ST7L: variants seen among roughly 807,000 people sequenced by gnomAD.
ST7L encodes the protein suppressor of tumorigenicity 7 protein-like.
A neutral mutation model predicts 72.5 loss-of-function variants in ST7L; 57 were observed. The ratio of observed to expected loss-of-function variants is 0.79; its 90% CI spans 0.64 to 0.98. ST7L has a LOEUF of 0.98. Among genes scored for constraint, ST7L ranks in the 50% least tolerant of loss-of-function variants. ST7L has a pLI of 0.00. For missense variants in ST7L, 576 were observed against 672.2 expected (o/e 0.86, Z 1.58); for synonymous variants, 221 against 240.9 (o/e 0.92, Z 0.77).
chr1:112,596,357 G>A lies in ST7L; in HGVS notation c.622+1614C>T, dbSNP rs539232507. 4.6e-5 allele frequency among the ~76,000 whole-genome samples: 7 copies of A among 152,286 alleles called. No homozygotes were observed. The South Asian group carries it at 1.5e-3, about 32-fold the overall frequency. On this transcript the variant is annotated intron_variant, in intron 5 of 14. Coordinates refer to ENST00000358039, the MANE Select transcript of ST7L (RefSeq NM_017744.5). ...TTCAGTGATTTTGTGGTGGGTAGAA[G>A]CAGTAATAGTGTAGTGGTTAACAGC...
chr1:112,592,797 A>G (rs573400694), intron 5 of ST7L, among the ~76,000 whole-genome samples: 6 of 152,270 alleles, frequency 3.9e-5, no homozygotes, highest in Admixed American at 3.9e-4. Context: ...AGTCATACTA[A>G]GTTTTTTGCT....
intron 13 of ST7L, 142 bp from the exon 14 acceptor site, chr1:112,542,232 A>G: frequency 2.6e-6 from 2 of 782,894 alleles, no homozygotes; most frequent in East Asian, 2.9e-5. Context: ...GCAAGGTAGA[A>G]GACAGTTATC....
At chr1:112,576,584 T>G (rs1663139024) in intron 11 of ST7L, among the ~76,000 whole-genome samples, 1 of 152,212 alleles carries the variant, frequency 6.6e-6, no homozygotes, top group Non-Finnish European at 1.5e-5. Context: ...TTGTCTTCAG[T>G]TTTTGTCTAC....
chr1:112,589,717 T>C (rs1665402689), intron 6 of ST7L, among the ~76,000 whole-genome samples: 1 of 152,196 alleles, frequency 6.6e-6, no homozygotes. Flanking sequence ...GCAAAAGTAT[T>C]TGCAGATGGG....
At chr1:112,611,199 G>A (rs904310614) in intron 2 of ST7L, among the ~76,000 whole-genome samples, 196 bp from the exon 3 acceptor site, 6 of 152,100 alleles carry the variant, frequency 3.9e-5, no homozygotes, top group African/African-American at 9.7e-5. Context: ...TTATAGTTCC[G>A]TCATAAAATT....
chr1:112,548,441 T>C (rs1168734219), intron 13 of ST7L, among the ~76,000 whole-genome samples: 2 of 152,240 alleles, frequency 1.3e-5, no homozygotes, highest in Middle Eastern at 3.4e-3. Flanking sequence ...ACAAAGCACT[T>C]TGAGAATTCA....
intron 14 of ST7L, chr1:112,539,799 C>T (rs1655815477): frequency 1.0e-6 from 1 of 985,134 alleles, no homozygotes; most frequent in South Asian, 4.7e-5. Flanking sequence ...TCAGTAAATA[C>T]TTAGCTTTTA....
chr1:112,592,230 C>T (rs1665831713), intron 5 of ST7L, among the ~76,000 whole-genome samples: 1 of 152,064 alleles, frequency 6.6e-6, no homozygotes, highest in Admixed American at 6.5e-5. Flanking sequence ...GAAGACTTCA[C>T]AGTAAGTAAA....
intron 14 of ST7L, chr1:112,526,328 T>C: frequency 2.1e-6 from 1 of 476,338 alleles, no homozygotes; most frequent in East Asian, 3.2e-5. Context: ...CTCCTAATTC[T>C]ACTCCTTTTT....
chr1:112,542,607 TAGCCC>T (rs1424143884), intron 13 of ST7L, among the ~76,000 whole-genome samples: 2 of 152,130 alleles, frequency 1.3e-5, no homozygotes, highest in Non-Finnish European at 2.9e-5. Context: ...TTTTAAAAAT[TAGCCC>T]AGCATGGTGG....
At chr1:112,583,902 T>C in intron 7 of ST7L, 70 bp downstream of exon 7, 1 of 1,513,604 alleles carries the variant, frequency 6.6e-7, no homozygotes, top group East Asian at 2.3e-5. Flanking sequence ...TTTATTATTG[T>C]TGTTTGTGTT....
At position 112,541,953 on chromosome 1, in the gene ST7L, C is replaced by T. The variant is rs895553306; in HGVS notation, c.1627G>A (p.Ala543Thr). The T allele has an allele frequency of 6.2e-7, 1 of 1,613,428 alleles. No individual in the cohort carries two copies. The highest frequency in any genetic ancestry group is 8.5e-7 in the Non-Finnish European group (1 of 1,179,790). ...CAAGTCCTTGAGATCATACTTACAGCTTTAGCAAAAATACCCATGATTTCA... is the reference window on the plus strand; with the variant it reads ...CAAGTCCTTGAGATCATACTTACAGTTTTAGCAAAAATACCCATGATTTCA... Reference protein sequence around the residue: ...FPEIMGIFAKAVLGLWCPQPW... With the variant: ...FPEIMGIFAKTVLGLWCPQPW... The change falls in exon 14 of 15, where the codon GCT (alanine) becomes ACT (threonine). Residue 543 changes from alanine (A) to threonine (T), a missense_variant and splice_region_variant. Ala to Thr is a moderately conservative substitution (Grantham distance 58, BLOSUM62 0). Coordinates refer to ENST00000358039, the MANE Select transcript of ST7L (RefSeq NM_017744.5).
In ST7L at chr1:112,581,438, G is replaced by A. The variant is rs188561299; in HGVS notation, c.1069+554C>T. On this transcript the variant is annotated intron_variant, in intron 9 of 14. Coordinates refer to ENST00000358039, the MANE Select transcript of ST7L (RefSeq NM_017744.5). ...TTTTGAGACAGGGTCTCCCTCTGTC[G>A]CCTAGGCTGGACTACAGTGGTGCAG... 6.9e-5 allele frequency among the ~76,000 whole-genome samples: 10 copies of A among 143,902 alleles called. No homozygotes were observed. In the East Asian group the frequency reaches 8.2e-4, roughly 12 times the overall value. The allele number at this position is 143,902 out of a possible 152,430, so 94.4% of individuals were successfully genotyped here.
intron 5 of ST7L, among the ~76,000 whole-genome samples, chr1:112,594,646 T>C (rs1440823477): frequency 6.6e-6 from 1 of 152,182 alleles, no homozygotes; most frequent in African/African-American, 2.4e-5. Flanking sequence ...TATCTTTCTA[T>C]CTTAGAATCT....
chr1:112,522,891 G>C (rs1369301870), downstream of ST7L: 1 of 152,282 alleles, frequency 6.6e-6, no homozygotes, highest in Non-Finnish European at 1.5e-5. Flanking sequence ...TAAGGAGGGG[G>C]AAATGGGAGG....
chr1:112,526,132 C>T, intron 14 of ST7L, 21 bp from the exon 15 acceptor site: 1 of 1,613,890 alleles, frequency 6.2e-7, no homozygotes, highest in East Asian at 2.2e-5. Context: ...GAAATTGATA[C>T]AAAATGTTCA....
intron 11 of ST7L, among the ~76,000 whole-genome samples, chr1:112,558,889 T>C (rs903591761): frequency 1.3e-5 from 2 of 152,236 alleles, no homozygotes; most frequent in African/African-American, 4.8e-5. Flanking sequence ...ACCTCTGACA[T>C]GACTCCTTAT....
At chr1:112,600,475 A>C (rs1430854574) in intron 4 of ST7L, among the ~76,000 whole-genome samples, 2 of 152,140 alleles carry the variant, frequency 1.3e-5, no homozygotes, top group African/African-American at 4.8e-5. Context: ...ATGTGCCTAT[A>C]GTCCCAGCTA....
At chr1:112,594,616 G>A (rs536408135) in intron 5 of ST7L, among the ~76,000 whole-genome samples, 1 of 152,288 alleles carries the variant, frequency 6.6e-6, no homozygotes, top group Non-Finnish European at 1.5e-5. Flanking sequence ...TAAGTTCTAG[G>A]CAAAGTTCCA....
Sources: gnomAD v4.1 joint callset for allele counts (sites outside exome capture counted in the v4.1 genomes callset) on GRCh38, gnomAD v4.1.1 for gene constraint, MANE v1.5 for transcripts, NCBI Gene and HGNC (gene_info 2026-07-23, HGNC 2026-07-21) for gene names.